RBFOX1: variants seen among roughly 807,000 people sequenced by gnomAD.
RBFOX1 encodes the protein RNA binding fox-1 homolog 1.
RBFOX1 carries 8 observed loss-of-function variants against 57.7 expected under a neutral mutation model. The observed-to-expected ratio is 0.14, with a 90% CI of 0.08 to 0.25. The LOEUF (loss-of-function observed/expected upper bound fraction) is 0.25, where lower values mean the gene tolerates loss of function less well. Ranked by LOEUF, RBFOX1 falls within the 10% of genes least tolerant of loss-of-function variation. RBFOX1 has a pLI of 1.00. For synonymous variants in RBFOX1, 326 were observed against 222.4 expected, an observed-to-expected ratio of 1.47 and a Z score of -4.15; for missense variants, 611 against 548.5, an observed-to-expected ratio of 1.11 and a Z score of -1.14.
At chr16:6,819,468 C>T (rs1238154253) in intron 3 of RBFOX1, among the ~76,000 whole-genome samples, 1 of 151,988 alleles carries the variant, frequency 6.6e-6, no homozygotes, top group Non-Finnish European at 1.5e-5. Flanking sequence ...CTTAGGGAGG[C>T]CCAGGCGGGC....
intron 4 of RBFOX1, among the ~76,000 whole-genome samples, chr16:7,198,397 C>T (rs1038730637): frequency 6.6e-6 from 1 of 152,270 alleles, no homozygotes; most frequent in East Asian, 1.9e-4. Context: ...GTACTAAATG[C>T]TACTCATTTG....
chr16:7,022,003 T>TCCCCC (rs2039351352), intron 3 of RBFOX1, among the ~76,000 whole-genome samples: 1 of 6,876 alleles, frequency 1.5e-4, no homozygotes, highest in Non-Finnish European at 2.1e-4. Flanking sequence ...CCTCCCCCTC[T>TCCCCC]CCCTCCCCTT....
At chr16:6,105,522 A>G (rs2096367666) in intron 1 of RBFOX1, among the ~76,000 whole-genome samples, 1 of 152,234 alleles carries the variant, frequency 6.6e-6, no homozygotes, top group Admixed American at 6.5e-5. Flanking sequence ...CAAAGCAAAG[A>G]CAATCCCAAA....
At chr16:5,367,289 T>C (rs917365581) in intron 1 of RBFOX1, among the ~76,000 whole-genome samples, 2 of 152,190 alleles carry the variant, frequency 1.3e-5, no homozygotes, top group African/African-American at 4.8e-5. Flanking sequence ...TAGAAATCAG[T>C]GATGCGGTTG....
intron 3 of RBFOX1, among the ~76,000 whole-genome samples, chr16:5,634,301 T>A (rs1460877473): frequency 2.0e-5 from 3 of 152,226 alleles, no homozygotes; most frequent in Non-Finnish European, 4.4e-5. Context: ...TATTTTCACT[T>A]TCTCCATACT....
At chr16:5,692,928 G>C (rs2050734743) in intron 3 of RBFOX1, among the ~76,000 whole-genome samples, 1 of 152,206 alleles carries the variant, frequency 6.6e-6, no homozygotes. Flanking sequence ...GACACAGGTA[G>C]GTACATTCTG....
chr16:7,538,986 GA>G (rs1443824052), intron 5 of RBFOX1, among the ~76,000 whole-genome samples: 2 of 151,864 alleles, frequency 1.3e-5, no homozygotes, highest in African/African-American at 4.8e-5. Flanking sequence ...GGCTGAATTC[GA>G]AAAAGGTGTG....
At chr16:5,635,477 G>A (rs909682232) in intron 3 of RBFOX1, among the ~76,000 whole-genome samples, 66 of 152,320 alleles carry the variant, frequency 4.3e-4, no homozygotes, top group African/African-American at 1.3e-3. Flanking sequence ...GACTGGAGGG[G>A]CTTCATTGAT....
chr16:6,829,708 T>A (rs1251591713), intron 3 of RBFOX1, among the ~76,000 whole-genome samples: 6 of 152,036 alleles, frequency 3.9e-5, no homozygotes, highest in Admixed American at 3.3e-4. Context: ...TTCAAGAGAT[T>A]CTTCTGTCTC....
intron 4 of RBFOX1, among the ~76,000 whole-genome samples, chr16:7,359,331 A>G (rs1221790727): frequency 1.3e-5 from 2 of 152,216 alleles, no homozygotes; most frequent in South Asian, 4.1e-4. Context: ...TGTTTATCAC[A>G]TAGTAAGCAC....
intron 3 of RBFOX1, among the ~76,000 whole-genome samples, chr16:6,742,102 A>G (rs919220925): frequency 6.6e-6 from 1 of 152,216 alleles, no homozygotes; most frequent in African/African-American, 2.4e-5. Context: ...CGTGATAAAT[A>G]TATACAGTTA....
intron 1 of RBFOX1, among the ~76,000 whole-genome samples, chr16:6,207,534 A>G (rs912431424): frequency 7.2e-5 from 11 of 152,142 alleles, no homozygotes; most frequent in African/African-American, 2.7e-4. Flanking sequence ...GAAGAGATTC[A>G]AGGAGAACTC....
At chr16:7,661,585 T>G (rs1293673721) in intron 12 of RBFOX1, among the ~76,000 whole-genome samples, 2 of 152,206 alleles carry the variant, frequency 1.3e-5, no homozygotes, top group Non-Finnish European at 2.9e-5. Context: ...TCCTGCAGTA[T>G]CTATCTCAGC....
chr16:6,082,983 A>C (rs905645415), intron 1 of RBFOX1, among the ~76,000 whole-genome samples: 1 of 144,264 alleles, frequency 6.9e-6, no homozygotes, highest in African/African-American at 2.6e-5. Flanking sequence ...TCCATCAGCA[A>C]ATTTTTGTTT....
intron 3 of RBFOX1, among the ~76,000 whole-genome samples, chr16:6,982,312 T>C (rs184778609): frequency 6.6e-6 from 1 of 152,352 alleles, no homozygotes; most frequent in Non-Finnish European, 1.5e-5. Context: ...TTTTGATCTT[T>C]ACAGAAACCC....
At chr16:6,601,713 A>T (rs958664833) in intron 2 of RBFOX1, among the ~76,000 whole-genome samples, 4 of 152,138 alleles carry the variant, frequency 2.6e-5, no homozygotes, top group African/African-American at 9.7e-5. Context: ...ATCTTAAGTC[A>T]TTCTCCCGGG....
intron 1 of RBFOX1, among the ~76,000 whole-genome samples, chr16:6,075,306 G>T (rs1274669899): frequency 1.3e-5 from 2 of 152,110 alleles, no homozygotes; most frequent in African/African-American, 4.8e-5. Context: ...TTTCCAGGGA[G>T]GTGGAAAATA....
intron 5 of RBFOX1, among the ~76,000 whole-genome samples, chr16:7,562,831 C>G (rs2090729914): frequency 6.6e-6 from 1 of 152,178 alleles, no homozygotes. Context: ...ACACTCTATG[C>G]CCACTGTAGG....
chr16:7,112,974 G>C (rs1162155892), intron 4 of RBFOX1, among the ~76,000 whole-genome samples: 1 of 152,148 alleles, frequency 6.6e-6, no homozygotes, highest in African/African-American at 2.4e-5. Flanking sequence ...GTAAGGCGCT[G>C]CCGAATTGGT....
Sources: allele counts gnomAD v4.1 joint callset (sites outside exome capture counted in the v4.1 genomes callset), GRCh38; gene constraint gnomAD v4.1.1; transcripts MANE v1.5; gene names NCBI Gene and HGNC (gene_info 2026-07-23, HGNC 2026-07-21).